The following NPHS1 variants were observed in gnomAD, a reference collection of about 807,000 sequenced individuals.
NPHS1 encodes the protein nephrin.
In NPHS1, 107 loss-of-function variants were observed where a neutral mutation model predicts 139.7. The ratio of observed to expected loss-of-function variants is 0.77; its 90% CI spans 0.66 to 0.90. NPHS1 has a LOEUF of 0.90. Among genes scored for constraint, NPHS1 ranks in the 40% least tolerant of loss-of-function variants. The pLI, the probability that NPHS1 is intolerant of heterozygous loss-of-function variation, is 0.00. For missense variants in NPHS1, 1,580 were observed against 1,654.2 expected (o/e 0.96, Z 0.78); for synonymous variants, 707 against 706.6 (o/e 1.00, Z -0.01).
Position 35,845,492 on chromosome 19 carries a change from G to A in NPHS1, c.1806C>T (p.Ser602=), listed in dbSNP as rs755313283. ...GCAGAAGGACGCTCCTGGCGGCGGC[G>A]GAGCCTTTGAATGGGGCTCTCCGGG... ...APPRRAPFKG[S]AAARSVLLQV... Residue 602 remains serine, a synonymous_variant, in exon 14 of 29, where the codon TCC becomes TCT. Coordinates refer to ENST00000378910, the MANE Select transcript of NPHS1 (RefSeq NM_004646.4). The surrounding 1 kb of genome is among the most constrained non-coding windows in gnomAD (Gnocchi z 5.5). The A allele has an allele frequency of 5.0e-6, 8 of 1,613,568 alleles. No individual in the cohort carries two copies. Among genetic ancestry groups the A allele is most frequent in the South Asian group, 2.2e-5 (2 of 91,048 alleles).
At chr19:35,833,295 G>A (rs1439890109) in intron 23 of NPHS1, among the ~76,000 whole-genome samples, 1 of 152,076 alleles carries the variant, frequency 6.6e-6, no homozygotes, top group Non-Finnish European at 1.5e-5. Flanking sequence ...GTAGGCATCT[G>A]TTGGGCGGGC....
chr19:35,831,773 A>G lies in NPHS1; in HGVS notation c.3167-11T>C. The G allele has an allele frequency of 6.4e-7, 1 of 1,559,178 alleles. No individual in the cohort carries two copies. The highest frequency in any genetic ancestry group is 8.7e-7 in the Non-Finnish European group (1 of 1,152,884). ...GCAGCCCCGAGGGTCCTAGGGGTGGAAGATACCCCTCAGTGAATCCCAGAC... is the reference window on the plus strand; with the variant it reads ...GCAGCCCCGAGGGTCCTAGGGGTGGGAGATACCCCTCAGTGAATCCCAGAC... On this transcript the variant is annotated splice_polypyrimidine_tract_variant and intron_variant, in intron 23 of 28. Coordinates refer to ENST00000378910, the MANE Select transcript of NPHS1 (RefSeq NM_004646.4).
chr19:35,829,444 G>A (rs930519327), intron 28 of NPHS1, among the ~76,000 whole-genome samples: 1 of 152,162 alleles, frequency 6.6e-6, no homozygotes, highest in African/African-American at 2.4e-5. Flanking sequence ...AGGGCTCATG[G>A]CAGCCTCAAC....
chr19:35,837,025 GAAAAGAAAGAAAGAAA>G (rs1460497173), intron 22 of NPHS1, among the ~76,000 whole-genome samples: 3 of 67,238 alleles, frequency 4.5e-5, no homozygotes, highest in Admixed American at 3.3e-4. Flanking sequence ...GAAAAGAAAA[GAAAAGAAAGAAAGAAA>G]GAAAGAAAGA....
In NPHS1 at chr19:35,844,357, G is replaced by T. The variant is rs1216269659; in HGVS notation, c.2033C>A (p.Ala678Asp). Residue 678 changes from alanine (A) to aspartate (D), a missense_variant, in exon 15 of 29, where the codon GCC becomes GAC. Ala to Asp is a moderately radical substitution (Grantham distance 126). Coordinates refer to ENST00000378910, the MANE Select transcript of NPHS1 (RefSeq NM_004646.4). Reference protein sequence around the residue: ...VSVSANPAPEAFNWTFRGYRL... With the variant: ...VSVSANPAPEDFNWTFRGYRL... ...ATAGCCGCGGAAGGTCCAGTTGAAG[G>T]CCTCGGGGGCGGGGTTAGCGGACAC... is the stretch of plus-strand genomic sequence containing the variant. 13 of 1,613,802 alleles carry T rather than the reference G, an allele frequency of 8.1e-6. No homozygotes were observed. Among genetic ancestry groups the T allele is most frequent in the African/African-American group, 1.3e-5 (1 of 75,046 alleles).
At chr19:35,836,284 G>T (rs1302590754) in intron 22 of NPHS1, among the ~76,000 whole-genome samples, 5 of 148,594 alleles carry the variant, frequency 3.4e-5, no homozygotes, top group Non-Finnish European at 6.0e-5. Context: ...AAGAGACAGG[G>T]TCTCACTCTG....
chr19:35,841,434 C>A (rs1568452913), intron 20 of NPHS1, among the ~76,000 whole-genome samples: 1 of 152,058 alleles, frequency 6.6e-6, no homozygotes, highest in Non-Finnish European at 1.5e-5. Context: ...GGCAGCTGAA[C>A]CTAGATCCAG....
chr19:35,831,432 A>T (rs1972882199), intron 25 of NPHS1, 44 bp downstream of exon 25: 1 of 1,612,968 alleles, frequency 6.2e-7, no homozygotes, highest in African/African-American at 1.3e-5. Flanking sequence ...GTCTCCCCCA[A>T]ACCTCCCTCA....
At chr19:35,842,934 C>T (rs1973082385) in intron 17 of NPHS1, among the ~76,000 whole-genome samples, 1 of 152,128 alleles carries the variant, frequency 6.6e-6, no homozygotes, top group Non-Finnish European at 1.5e-5. Flanking sequence ...GCTCTCCACC[C>T]ATTCACTCAA....
intron 23 of NPHS1, among the ~76,000 whole-genome samples, chr19:35,834,467 T>A (rs1244551541): frequency 1.3e-5 from 2 of 152,044 alleles, no homozygotes; most frequent in Non-Finnish European, 2.9e-5. Context: ...ATGTTTGGGG[T>A]GGTTCATTAT....
rs2146822227 is a variant in NPHS1, at chr19:35,844,365, G to A, written c.2025C>T (p.Ala675=). ...LLPVSVSANP[A]PEAFNWTFRG... ...GGAAGGTCCAGTTGAAGGCCTCGGG[G>A]GCGGGGTTAGCGGACACGGACACGG... The change falls in exon 15 of 29, where the codon GCC becomes GCT. Residue 675 remains alanine (A), a synonymous_variant. Coordinates refer to ENST00000378910, the MANE Select transcript of NPHS1 (RefSeq NM_004646.4). 2 of 1,613,642 alleles carry A rather than the reference G, an allele frequency of 1.2e-6. No individual in the cohort carries two copies. Among genetic ancestry groups the A allele is most frequent in the Non-Finnish European group, 8.5e-7 (1 of 1,179,904 alleles).
At chr19:35,843,671 A>T (rs1457321105) in intron 16 of NPHS1, 78 bp from the exon 17 acceptor site, 2 of 1,579,334 alleles carry the variant, frequency 1.3e-6, no homozygotes, top group African/African-American at 1.4e-5. Context: ...GGTGGGAGGG[A>T]TGTCTTAGGG....
At chr19:35,829,913 C>T (rs1273083430) in intron 28 of NPHS1, among the ~76,000 whole-genome samples, 2 of 151,976 alleles carry the variant, frequency 1.3e-5, no homozygotes, top group African/African-American at 2.4e-5. Context: ...CTCAAGCAAT[C>T]CACCTACCTC....
intron 3 of NPHS1, 40 bp from the exon 4 acceptor site, chr19:35,851,129 G>A (rs772643619): frequency 6.2e-7 from 1 of 1,613,980 alleles, no homozygotes; most frequent in South Asian, 1.1e-5. Flanking sequence ...CCAGCACTGA[G>A]AAGGACTTGA....
At chr19:35,830,465 A>G (rs1972861208) in intron 28 of NPHS1, among the ~76,000 whole-genome samples, 2 of 152,234 alleles carry the variant, frequency 1.3e-5, no homozygotes, top group Non-Finnish European at 1.5e-5. Flanking sequence ...GCTGGAGTGC[A>G]GTGGCACCAT....
chr19:35,850,526 G>A, intron 4 of NPHS1, 81 bp from the exon 5 acceptor site: 1 of 1,232,960 alleles, frequency 8.1e-7, no homozygotes, highest in African/African-American at 1.5e-5. Context: ...AAGTCCTCAG[G>A]GTGGGTGCGA....
intron 27 of NPHS1, 46 bp downstream of exon 27, chr19:35,831,007 C>T (rs368648009): frequency 2.5e-6 from 4 of 1,605,284 alleles, no homozygotes; most frequent in East Asian, 2.2e-5. Flanking sequence ...GTCCAGGCGT[C>T]GGGGGTACCT....
chr19:35,843,788 G>A, intron 16 of NPHS1, 195 bp from the exon 17 acceptor site: 1 of 693,180 alleles, frequency 1.4e-6, no homozygotes, highest in South Asian at 1.9e-5. Flanking sequence ...CTATGCCTCT[G>A]TGATAATTAG....
At chr19:35,835,110 G>A (rs1244837424) in intron 23 of NPHS1, among the ~76,000 whole-genome samples, 1 of 143,072 alleles carries the variant, frequency 7.0e-6, no homozygotes, top group Admixed American at 7.4e-5. Flanking sequence ...TAAGGCAAAA[G>A]AATCGCTTGA....
Sources: gnomAD v4.1 joint callset for allele counts (sites outside exome capture counted in the v4.1 genomes callset) on GRCh38, gnomAD v4.1.1 for gene constraint, Gnocchi (gnomAD v3.1) non-coding constraint, MANE v1.5 for transcripts, NCBI Gene and HGNC (gene_info 2026-07-23, HGNC 2026-07-21) for gene names.